ZNF385D: variants seen among roughly 807,000 people sequenced by gnomAD.
The protein encoded by ZNF385D is zinc finger protein 659.
A neutral mutation model predicts 35.8 loss-of-function variants in ZNF385D; 15 were observed. That is an observed-to-expected ratio of 0.42 (90% confidence interval 0.28 to 0.64). ZNF385D has a LOEUF of 0.64. Among genes scored for constraint, ZNF385D ranks in the 30% least tolerant of loss-of-function variants. The pLI is 0.23. For synonymous variants in ZNF385D, 212 were observed against 186.8 expected (o/e 1.13, Z -1.10); for missense variants, 474 against 494.6 (o/e 0.96, Z 0.39).
chr3:22,024,574 G>A (rs1697424377), intron 3 of ZNF385D, among the ~76,000 whole-genome samples: 1 of 151,990 alleles, frequency 6.6e-6, no homozygotes, highest in African/African-American at 2.4e-5. Context: ...TTAATAGTAT[G>A]GAGAACATAC....
Position 21,892,455 on chromosome 3 carries a change from T to A in ZNF385D, c.326-227427A>T, listed in dbSNP as rs140096400. Reference sequence around the variant, plus strand: ...CTTACCCTTAACTCAATTTTGCTCCTCCAAATAGACTTGTTTGTGCTTTGC... The same window carrying A: ...CTTACCCTTAACTCAATTTTGCTCCACCAAATAGACTTGTTTGTGCTTTGC... On this transcript the variant is annotated intron_variant, in intron 3 of 5. Coordinates refer to the ZNF385D transcript ENST00000494108. Among the ~76,000 whole-genome samples the A allele has an allele frequency of 1.4e-3, 212 of 152,302 alleles. 2 individuals are homozygous for A. The highest frequency in any genetic ancestry group is 4.9e-3 in the African/African-American group (204 of 41,576).
intron 1 of ZNF385D, among the ~76,000 whole-genome samples, chr3:21,671,222 T>A (rs2066567021): frequency 6.6e-6 from 1 of 152,098 alleles, no homozygotes; most frequent in South Asian, 2.1e-4. Context: ...TGGCTTCTGG[T>A]TGGAGGCTAT....
At chr3:22,345,192 G>A (rs116128476) in intron 2 of ZNF385D, among the ~76,000 whole-genome samples, 1,594 of 151,920 alleles carry the variant, frequency 0.01, 27 homozygotes, top group African/African-American at 0.036. Context: ...TTTAGTTATG[G>A]ACTGCCTTTA....
intron 2 of ZNF385D, among the ~76,000 whole-genome samples, chr3:22,218,254 C>T (rs1698017771): frequency 6.6e-6 from 1 of 151,952 alleles, no homozygotes; most frequent in South Asian, 2.1e-4. Flanking sequence ...ACATTGTAGG[C>T]TTTTCAGCAT....
At chr3:21,884,959 TATTTTC>T (rs1159861734) in intron 3 of ZNF385D, among the ~76,000 whole-genome samples, 1 of 152,044 alleles carries the variant, frequency 6.6e-6, no homozygotes, top group Non-Finnish European at 1.5e-5. Flanking sequence ...CATGCTCACT[TATTTTC>T]ATTTTATCTG....
intron 2 of ZNF385D, among the ~76,000 whole-genome samples, chr3:21,636,381 TA>T (rs2065440280): frequency 2.9e-4 from 4 of 13,718 alleles, no homozygotes; most frequent in Non-Finnish European, 8.2e-4. Context: ...TATATGATTA[TA>T]TATATATATA....
At chr3:22,371,391 T>C (rs571944422) in intron 2 of ZNF385D, among the ~76,000 whole-genome samples, 1 of 135,672 alleles carries the variant, frequency 7.4e-6, no homozygotes, top group African/African-American at 2.9e-5. Flanking sequence ...TCTAGGGTCC[T>C]TAGTTACACC....
At chr3:22,079,323 G>GA (rs1700623924) in intron 3 of ZNF385D, among the ~76,000 whole-genome samples, 1 of 151,710 alleles carries the variant, frequency 6.6e-6, no homozygotes, top group Non-Finnish European at 1.5e-5. Flanking sequence ...AGGTGTTACT[G>GA]AAAAATATAA....
intron 3 of ZNF385D, among the ~76,000 whole-genome samples, chr3:21,885,734 CTGTGTCTGTG>C (rs140065476): frequency 0.26 from 34,094 of 131,784 alleles, 3,930 homozygotes; most frequent in Middle Eastern, 0.34. Flanking sequence ...CAGGGTGTGT[CTGTGTCTGTG>C]TGTGTGTGTG....
chr3:22,272,886 T>G (rs1021949892), intron 2 of ZNF385D, among the ~76,000 whole-genome samples: 2 of 151,964 alleles, frequency 1.3e-5, no homozygotes, highest in Non-Finnish European at 2.9e-5. Context: ...AATATTTTAC[T>G]TGTGGGTTAC....
intron 1 of ZNF385D, among the ~76,000 whole-genome samples, chr3:21,743,648 C>T (rs2069625838): frequency 6.6e-6 from 1 of 152,154 alleles, no homozygotes; most frequent in African/African-American, 2.4e-5. Flanking sequence ...GGACACTAAT[C>T]CCATCCTGAG....
chr3:21,997,872 CGTGTGTGTGTGT>C (rs751459423), intron 3 of ZNF385D, among the ~76,000 whole-genome samples: 4 of 90,142 alleles, frequency 4.4e-5, no homozygotes, highest in African/African-American at 9.3e-5. Flanking sequence ...CGCGCGCGCG[CGTGTGTGTGTGT>C]GTGTGTGTGT....
At chr3:21,782,801 A>C (rs2071544573) in intron 3 of ZNF385D, among the ~76,000 whole-genome samples, 1 of 152,102 alleles carries the variant, frequency 6.6e-6, no homozygotes, top group African/African-American at 2.4e-5. Flanking sequence ...GAGTGATAAA[A>C]TGCATTGAAA....
At chr3:22,111,152 A>ATTTTTTTTTTTTTTTTTT (rs61708178) in intron 3 of ZNF385D, among the ~76,000 whole-genome samples, 14 of 68,972 alleles carry the variant, frequency 2.0e-4, no homozygotes, top group East Asian at 1.1e-3. Flanking sequence ...TCCATGTTGG[A>ATTTTTTTTTTTTTTTTTT]TTTTTTTTTT....
At chr3:21,717,403 C>A (rs1172727007) in intron 1 of ZNF385D, among the ~76,000 whole-genome samples, 5 of 152,118 alleles carry the variant, frequency 3.3e-5, no homozygotes, top group Non-Finnish European at 7.4e-5. Flanking sequence ...GTTTTCAAAT[C>A]CCTTGTGATG....
intron 4 of ZNF385D, among the ~76,000 whole-genome samples, chr3:21,449,505 T>C (rs1353311615): frequency 6.6e-6 from 1 of 152,190 alleles, no homozygotes; most frequent in Middle Eastern, 3.2e-3. Context: ...AGTCATTGTT[T>C]TATTTAGGAT....
At chr3:22,345,377 A>C (rs987120189) in intron 2 of ZNF385D, among the ~76,000 whole-genome samples, 2 of 152,214 alleles carry the variant, frequency 1.3e-5, no homozygotes, top group Non-Finnish European at 2.9e-5. Flanking sequence ...AAAGCTGTGT[A>C]ATTACTCATC....
At chr3:21,960,389 TCAC>T (rs1334294076) in intron 3 of ZNF385D, among the ~76,000 whole-genome samples, 2 of 152,008 alleles carry the variant, frequency 1.3e-5, no homozygotes, top group East Asian at 3.9e-4. Context: ...TAATGAAATA[TCAC>T]CTCACCCCAG....
chr3:22,186,342 G>A (rs1695629709), intron 2 of ZNF385D, among the ~76,000 whole-genome samples: 1 of 152,142 alleles, frequency 6.6e-6, no homozygotes, highest in African/African-American at 2.4e-5. Flanking sequence ...GAGACATGAA[G>A]AAATACTGAC....
Sources: allele counts gnomAD v4.1 joint callset (sites outside exome capture counted in the v4.1 genomes callset), GRCh38; gene constraint gnomAD v4.1.1; transcripts MANE v1.5; gene names NCBI Gene and HGNC (gene_info 2026-07-23, HGNC 2026-07-21).